Variants in SMYD2 observed in about 807,000 individuals in gnomAD.
The protein encoded by SMYD2 is N-lysine methyltransferase SMYD2.
Under a neutral mutation model 59.1 loss-of-function variants are expected in SMYD2, and 53 were observed. The ratio of observed to expected loss-of-function variants is 0.90; its 90% CI spans 0.72 to 1.13. The LOEUF is 1.13. SMYD2 is among the 50% of genes most tolerant of loss of function. The pLI, the probability that SMYD2 is intolerant of heterozygous loss-of-function variation, is 0.00. For synonymous variants in SMYD2, 208 were observed against 198.8 expected (o/e 1.05, Z -0.39); for missense variants, 494 against 544.7 (o/e 0.91, Z 0.93).
At chr1:214,315,834 G>A (rs12144357) in intron 3 of SMYD2, among the ~76,000 whole-genome samples, 10,340 of 152,276 alleles carry the variant, frequency 0.068, 499 homozygotes, top group Non-Finnish European at 0.1. Context: ...AGGATTTAAG[G>A]TAGCCATAGA....
chr1:214,288,642 T>TA lies in SMYD2; in HGVS notation c.173+7221dup, dbSNP rs1480449396. ...TTGTTTAAAGAATTATTTAAAGTTT[T>TA]AAAAAATGTTTGATTCAGCCATCTT... On this transcript the variant is annotated intron_variant, in intron 1 of 11. Coordinates refer to ENST00000366957, the MANE Select transcript of SMYD2 (RefSeq NM_020197.3). 2.0e-5 allele frequency among the ~76,000 whole-genome samples: 3 copies of TA among 152,242 alleles called. No individual in the cohort carries two copies. The East Asian group carries it at 5.8e-4, about 29-fold the overall frequency.
In SMYD2 at chr1:214,283,175, T is replaced by C. The variant is rs943768709; in HGVS notation, c.173+1748T>C. 2.6e-5 allele frequency among the ~76,000 whole-genome samples: 4 copies of C among 152,238 alleles called. No homozygotes were observed. The East Asian group carries it at 7.7e-4, about 29-fold the overall frequency. ...TCTTTAGCTTTAAGTCTCCTAATTG[T>C]ATCTACTACGCATACCCCCAACCTT... On this transcript the variant is annotated intron_variant, in intron 1 of 11. Coordinates refer to ENST00000366957, the MANE Select transcript of SMYD2 (RefSeq NM_020197.3).
chr1:214,318,104 C>G lies in SMYD2; in HGVS notation c.374C>G (p.Ser125Trp). The change falls in exon 4 of 12, where the codon TCG becomes TGG. Residue 125 changes from serine (S) to tryptophan (W), a missense_variant. Physicochemically the swap from Ser to Trp is radical, Grantham distance 177 (BLOSUM62 -3). Transcript: ENST00000366957. The surrounding 1 kb of genome is among the most constrained non-coding windows in gnomAD (Gnocchi z 5.4). ...KQKIHPERTP[S>W]EKLLAVKEFE... ...AAAATCCACCCAGAGAGAACACCTTCGGAAAAATTGTTAGCTGTGAAGGAG... is the reference window on the plus strand; with the variant it reads ...AAAATCCACCCAGAGAGAACACCTTGGGAAAAATTGTTAGCTGTGAAGGAG... 6.2e-7 allele frequency: 1 copy of G among 1,613,926 alleles called. No individual in the cohort carries two copies. Among genetic ancestry groups the G allele is most frequent in the Non-Finnish European group, 8.5e-7 (1 of 1,179,994 alleles).
At chr1:214,316,651 T>G (rs1426840294) in intron 3 of SMYD2, among the ~76,000 whole-genome samples, 1 of 152,170 alleles carries the variant, frequency 6.6e-6, no homozygotes, top group Non-Finnish European at 1.5e-5. Flanking sequence ...TCCTGGGCTG[T>G]GTAAACAGAA....
At chr1:214,321,402 C>A (rs1049453381) in intron 5 of SMYD2, among the ~76,000 whole-genome samples, 1 of 149,230 alleles carries the variant, frequency 6.7e-6, no homozygotes, top group Non-Finnish European at 1.5e-5. Flanking sequence ...CACAAATACA[C>A]ACACATATAA....
chr1:214,330,104 C>A, intron 7 of SMYD2, 64 bp from the exon 8 acceptor site: 1 of 1,143,992 alleles, frequency 8.7e-7, no homozygotes, highest in Non-Finnish European at 1.3e-6. Context: ...TGCAAAGGCA[C>A]GGGAATGACA....
chr1:214,331,430 C>T (rs939696019), intron 9 of SMYD2: 2 of 228,066 alleles, frequency 8.8e-6, no homozygotes, highest in African/African-American at 4.4e-5. Flanking sequence ...TGAGCAGGGA[C>T]TCTGCTCATT....
chr1:214,321,507 G>A (rs138716509), intron 5 of SMYD2, among the ~76,000 whole-genome samples: 122 of 152,276 alleles, frequency 8.0e-4, no homozygotes, highest in African/African-American at 2.8e-3. Context: ...ACATGCCACC[G>A]GTCCCACCTC....
chr1:214,327,914 A>C (rs1571933906), intron 7 of SMYD2, among the ~76,000 whole-genome samples, 190 bp downstream of exon 7: 1 of 152,154 alleles, frequency 6.6e-6, no homozygotes, highest in South Asian at 2.1e-4. Context: ...AGATTCCCAC[A>C]CTTTGGGGCT....
chr1:214,292,360 A>G (rs937804041), intron 1 of SMYD2, among the ~76,000 whole-genome samples: 5 of 151,908 alleles, frequency 3.3e-5, no homozygotes, highest in African/African-American at 4.8e-5. Flanking sequence ...TCTCCTCTCT[A>G]TGTCCCTCTT....
intron 1 of SMYD2, among the ~76,000 whole-genome samples, chr1:214,290,941 G>A (rs930714964): frequency 6.6e-6 from 1 of 152,190 alleles, no homozygotes; most frequent in Non-Finnish European, 1.5e-5. Flanking sequence ...TTTGCCACCT[G>A]AAAAATCTCT....
At chr1:214,328,187 A>C (rs1657293282) in intron 7 of SMYD2, among the ~76,000 whole-genome samples, 1 of 152,192 alleles carries the variant, frequency 6.6e-6, no homozygotes, top group African/African-American at 2.4e-5. Context: ...AAAGCAAAAG[A>C]AAGCAAGCAA....
At chr1:214,288,965 A>C (rs1656594187) in intron 1 of SMYD2, among the ~76,000 whole-genome samples, 1 of 146,074 alleles carries the variant, frequency 6.8e-6, no homozygotes, top group Non-Finnish European at 1.5e-5. Context: ...CCTTAAGCAA[A>C]TCCATTCTTC....
chr1:214,281,167 C>G lies in SMYD2; in HGVS notation c.-88C>G. ...TCCGCCGGGCGGCTCCCACCCCGCCCCCCGCAGCTCTAGGTGACGCGTCTC... is the reference window on the plus strand; with the variant it reads ...TCCGCCGGGCGGCTCCCACCCCGCCGCCCGCAGCTCTAGGTGACGCGTCTC... On this transcript the variant is annotated 5_prime_UTR_variant, in exon 1 of 12. Transcript: ENST00000366957. 3.9e-6 allele frequency: 4 copies of G among 1,030,846 alleles called. No homozygotes were observed. The highest frequency in any genetic ancestry group is 4.9e-6 in the Non-Finnish European group (4 of 813,368). 63.9% of individuals were successfully genotyped at this position (1,030,846 alleles called of 1,614,324 possible).
At chr1:214,285,913 A>G (rs938899219) in intron 1 of SMYD2, among the ~76,000 whole-genome samples, 8 of 152,354 alleles carry the variant, frequency 5.3e-5, no homozygotes, top group Admixed American at 3.3e-4. Context: ...TTGTAACACA[A>G]TGGTAAGTAT....
At chr1:214,326,072 T>C (rs1657256497) in intron 6 of SMYD2, among the ~76,000 whole-genome samples, 1 of 151,784 alleles carries the variant, frequency 6.6e-6, no homozygotes, top group African/African-American at 2.4e-5. Context: ...ACCCCGTCTC[T>C]ACTAAAAATA....
chr1:214,310,609 A>T (rs1265117149), intron 2 of SMYD2, among the ~76,000 whole-genome samples: 2 of 151,774 alleles, frequency 1.3e-5, no homozygotes, highest in African/African-American at 4.8e-5. Context: ...AATAGTGGGA[A>T]AAGTTTTAGA....
At chr1:214,320,256 A>G (rs1260548186) in intron 5 of SMYD2, among the ~76,000 whole-genome samples, 1 of 152,220 alleles carries the variant, frequency 6.6e-6, no homozygotes, top group Non-Finnish European at 1.5e-5. Flanking sequence ...TCAAAGCAGT[A>G]TGAAAAGTAT....
At chr1:214,331,653 A>AGGCACATT (rs557294307) in intron 9 of SMYD2, 184 of 200,594 alleles carry the variant, frequency 9.2e-4, no homozygotes, top group African/African-American at 4.1e-3. Flanking sequence ...AATGAGAGAA[A>AGGCACATT]GGCACATTGT....
Sources: allele counts gnomAD v4.1 joint callset (sites outside exome capture counted in the v4.1 genomes callset), GRCh38; gene constraint gnomAD v4.1.1; non-coding constraint Gnocchi (gnomAD v3.1); transcripts MANE v1.5; gene names NCBI Gene and HGNC (gene_info 2026-07-23, HGNC 2026-07-21).